Variants in ANKRD26 observed in about 807,000 individuals in gnomAD.
ANKRD26 encodes the protein ankyrin repeat domain-containing protein 26.
A neutral mutation model predicts 208.7 loss-of-function variants in ANKRD26; 141 were observed. That is an observed-to-expected ratio of 0.68 (90% confidence interval 0.59 to 0.78). ANKRD26 has a LOEUF of 0.78. Among genes scored for constraint, ANKRD26 ranks in the 30% least tolerant of loss-of-function variants. The pLI, the probability that ANKRD26 is intolerant of heterozygous loss-of-function variation, is 0.00. For synonymous variants in ANKRD26, 636 were observed against 660.4 expected (o/e 0.96, Z 0.57); for missense variants, 1,889 against 1,938.7 (o/e 0.97, Z 0.48).
At position 27,093,406 on chromosome 10, in the gene ANKRD26, G is replaced by A. The variant is rs1224210750; in HGVS notation, c.474C>T (p.Asp158=). Residue 158 remains aspartate, a synonymous_variant, in exon 3 of 34, where the codon GAC becomes GAT. Transcript: ENST00000376087. ...AAAGCAGCTTTGTTGCTACTGATAT[G>A]TCCTCATTATAGACAGCATAGTGAA... ...TALHYAVYNE[D]ISVATKLLLY... is the part of the protein sequence containing the mutation. The A allele has an allele frequency of 1.9e-6, 3 of 1,614,122 alleles. No individual in the cohort carries two copies. Among genetic ancestry groups the A allele is most frequent in the South Asian group, 2.2e-5 (2 of 91,088 alleles).
chr10:27,034,960 C>T lies in ANKRD26; in HGVS notation c.3490G>A (p.Val1164Met), dbSNP rs373575172. The change falls in exon 24 of 34, where the codon GTG (valine) becomes ATG (methionine). Residue 1164 changes from valine (V) to methionine (M), a missense_variant. Coordinates refer to ENST00000376087, the MANE Select transcript of ANKRD26 (RefSeq NM_014915.3). ...TGAAACTGGTCTTGGATATTAATCA[C>T]TGTCTTCTCTTTATTGTCAGCCTTG... Reference protein sequence around the residue: ...HNKADNKEKTVINIQDQFHAI... With the variant: ...HNKADNKEKTMINIQDQFHAI... 6.2e-7 allele frequency: 1 copy of T among 1,613,982 alleles called. No individual in the cohort carries two copies. Among genetic ancestry groups the T allele is most frequent in the African/African-American group, 1.3e-5 (1 of 74,932 alleles).
At chr10:26,971,776 C>T (rs1475958293), downstream of ANKRD26, among the ~76,000 whole-genome samples, 1 of 151,984 alleles carries the variant, frequency 6.6e-6, no homozygotes, top group Non-Finnish European at 1.5e-5. Flanking sequence ...AATAATCTTA[C>T]CTTTCAATAG....
chr10:27,099,869 G>GA (rs1778681366), intron 1 of ANKRD26, among the ~76,000 whole-genome samples: 1 of 151,592 alleles, frequency 6.6e-6, no homozygotes, highest in South Asian at 2.1e-4. Flanking sequence ...CTCTCTAAGG[G>GA]ATTTCGGGGG....
At chr10:27,057,527 T>G (rs2054879804) in intron 15 of ANKRD26, among the ~76,000 whole-genome samples, 1 of 152,196 alleles carries the variant, frequency 6.6e-6, no homozygotes, top group African/African-American at 2.4e-5. Flanking sequence ...GACAAAAACA[T>G]TTAATAAATA....
At chr10:26,954,189 C>G in the ANKRD26 span, among the ~76,000 whole-genome samples, 1 of 152,148 alleles carries the variant, frequency 6.6e-6, no homozygotes, top group Non-Finnish European at 1.5e-5. Flanking sequence ...CCATATTAGC[C>G]AATTTTTATT....
At chr10:27,073,151 GAAGTTT>G (rs2055568089) in intron 9 of ANKRD26, among the ~76,000 whole-genome samples, 4 of 152,210 alleles carry the variant, frequency 2.6e-5, no homozygotes, top group Admixed American at 2.6e-4. Context: ...CCGCTTGTGG[GAAGTTT>G]CCTTCAGCAG....
intron 3 of ANKRD26, among the ~76,000 whole-genome samples, chr10:27,092,730 C>T (rs1020318876): frequency 1.3e-5 from 2 of 152,196 alleles, no homozygotes; most frequent in African/African-American, 2.4e-5. Context: ...AGAATATTTG[C>T]TTCTATCACA....
At chr10:27,096,430 C>T (rs1304913454) in intron 1 of ANKRD26, among the ~76,000 whole-genome samples, 1 of 152,166 alleles carries the variant, frequency 6.6e-6, no homozygotes, top group Non-Finnish European at 1.5e-5. Context: ...TCACCTCTGA[C>T]AGAAAAGAAT....
At chr10:27,064,846 C>T (rs1280443324) in intron 11 of ANKRD26, among the ~76,000 whole-genome samples, 2 of 151,944 alleles carry the variant, frequency 1.3e-5, no homozygotes, top group Non-Finnish European at 2.9e-5. Context: ...GTATAGCAAG[C>T]CTTCATAAAA....
At chr10:27,052,003 A>G in intron 16 of ANKRD26, 3 of 985,332 alleles carry the variant, frequency 3.0e-6, no homozygotes, top group Non-Finnish European at 2.4e-6. Flanking sequence ...GAATATACAG[A>G]TACATCCTCT....
chr10:27,036,601 T>C (rs551058188), intron 23 of ANKRD26, among the ~76,000 whole-genome samples: 98 of 152,220 alleles, frequency 6.4e-4, no homozygotes, highest in Non-Finnish European at 1.3e-3. Context: ...CAGGGAGAAA[T>C]ATGCTGAACT....
At chr10:27,051,047 G>C (rs1372570895) in intron 16 of ANKRD26, 1 of 1,218,106 alleles carries the variant, frequency 8.2e-7, no homozygotes, top group Non-Finnish European at 1.0e-6. Flanking sequence ...GTAGCAGCAA[G>C]CAAACCTCTA....
At chr10:26,953,364 C>G in the ANKRD26 span, among the ~76,000 whole-genome samples, 3 of 152,102 alleles carry the variant, frequency 2.0e-5, no homozygotes, top group Admixed American at 2.0e-4. Flanking sequence ...TTCGAGAGTT[C>G]GAGGCTGCAG....
chr10:27,036,297 T>C (rs1441762279), intron 23 of ANKRD26, among the ~76,000 whole-genome samples: 2 of 152,004 alleles, frequency 1.3e-5, no homozygotes, highest in South Asian at 4.1e-4. Context: ...TAAGCACTTC[T>C]ACATATATCA....
At position 27,044,175 on chromosome 10, in the gene ANKRD26, T is replaced by C. The variant is rs1461076012; in HGVS notation, c.2001A>G (p.Thr667=). 2.1e-6 allele frequency: 3 copies of C among 1,428,224 alleles called. No individual in the cohort carries two copies. Among genetic ancestry groups the C allele is most frequent in the Non-Finnish European group, 2.9e-6 (3 of 1,046,620 alleles). 88.5% of individuals were successfully genotyped at this position (1,428,224 alleles called of 1,614,324 possible). A position where few individuals can be genotyped will look rare whatever the true frequency, so the allele number is the denominator to read the frequency against. ...ACAGTACCTTGTTCTTTTCATTAGA[T>C]GTTTTCTTAGTAGGCCTAAAAAAAA... ...DEDEGRPTKK[T]SNEKNKVKNQ... is the part of the protein sequence containing the mutation. The change falls in exon 19 of 34, where the codon ACA becomes ACG. Residue 667 remains threonine (T), a synonymous_variant. Transcript: ENST00000376087.
At chr10:26,958,073 T>TTATA in the ANKRD26 span, among the ~76,000 whole-genome samples, 21,101 of 143,984 alleles carry the variant, frequency 0.15, 1,805 homozygotes, top group Non-Finnish European at 0.21. Flanking sequence ...TCACCCAGTT[T>TTATA]TATATATATA....
chr10:27,057,421 T>C (rs1484192565), intron 15 of ANKRD26, among the ~76,000 whole-genome samples: 1 of 152,244 alleles, frequency 6.6e-6, no homozygotes, highest in Non-Finnish European at 1.5e-5. Flanking sequence ...TCTTCAGGGA[T>C]ATGAATTTTT....
At chr10:27,012,773 C>T in intron 32 of ANKRD26, 109 bp downstream of exon 32, 1 of 1,078,594 alleles carries the variant, frequency 9.3e-7, no homozygotes, top group Non-Finnish European at 1.4e-6. Flanking sequence ...GATGGCACCA[C>T]TGCACTCCAG....
chr10:26,985,271 TG>T (rs1205577881), intron 3 of ANKRD26, among the ~76,000 whole-genome samples: 1 of 152,184 alleles, frequency 6.6e-6, no homozygotes, highest in African/African-American at 2.4e-5. Flanking sequence ...AAATATTTTG[TG>T]GCACCATGAA....
Sources: allele counts gnomAD v4.1 joint callset (sites outside exome capture counted in the v4.1 genomes callset), GRCh38; gene constraint gnomAD v4.1.1; transcripts MANE v1.5; gene names NCBI Gene and HGNC (gene_info 2026-07-23, HGNC 2026-07-21).